RARS1: variants seen among roughly 807,000 people sequenced by gnomAD.
RARS1 encodes the protein arginine--tRNA ligase, cytoplasmic.
A neutral mutation model predicts 78.7 loss-of-function variants in RARS1; 75 were observed. The observed-to-expected ratio is 0.95, with a 90% CI of 0.79 to 1.15. The LOEUF (loss-of-function observed/expected upper bound fraction) is 1.15. Among genes scored for constraint, RARS1 ranks in the 50% most tolerant of loss-of-function variants. RARS1 has a pLI of 0.00. For synonymous variants in RARS1, 273 were observed against 268.2 expected, an observed-to-expected ratio of 1.02 and a Z score of -0.18; for missense variants, 787 against 787.5, an observed-to-expected ratio of 1.00 and a Z score of 0.01.
intron 7 of RARS1, among the ~76,000 whole-genome samples, chr5:168,498,235 G>T (rs1758240270): frequency 6.6e-6 from 1 of 151,284 alleles, no homozygotes; most frequent in Non-Finnish European, 1.5e-5. Context: ...TATCTTAAAA[G>T]ATAAAATTAT....
chr5:168,500,200 C>CAAAAAAAA (rs36015007), intron 7 of RARS1, among the ~76,000 whole-genome samples: 1 of 47,776 alleles, frequency 2.1e-5, no homozygotes, highest in African/African-American at 8.9e-5. Context: ...GACTCTGTCT[C>CAAAAAAAA]AAAAAAAAAA....
chr5:168,505,515 G>A (rs1338473469), intron 9 of RARS1, among the ~76,000 whole-genome samples: 2 of 152,044 alleles, frequency 1.3e-5, no homozygotes, highest in South Asian at 2.1e-4. Flanking sequence ...GAAGGTTATG[G>A]CTCCAGCTTG....
In RARS1 at chr5:168,497,251, G is replaced by GGACC; in HGVS notation, c.726_729dup (p.Gln244AspfsTer32). On this transcript the variant is annotated frameshift_variant, in exon 7 of 15. Transcript: ENST00000231572. LOFTEE classifies it high-confidence loss of function. ...AGGTTAAATCATGTAGGAGACTGGG[G>GGACC]GACCCAGTTTGGCATGCTCATCGCT... is the stretch of plus-strand genomic sequence containing the variant. 1 of 1,578,056 alleles carries GGACC rather than the reference G, an allele frequency of 6.3e-7. No individual in the cohort carries two copies. Among genetic ancestry groups the GGACC allele is most frequent in the Non-Finnish European group, 8.6e-7 (1 of 1,160,296 alleles).
chr5:168,515,558 C>T (rs777346876), intron 12 of RARS1, among the ~76,000 whole-genome samples: 29 of 152,222 alleles, frequency 1.9e-4, no homozygotes, highest in Non-Finnish European at 3.4e-4. Context: ...GGTTATTTCC[C>T]TCCAGAGACC....
chr5:168,488,321 T>C, intron 1 of RARS1: 1 of 358,672 alleles, frequency 2.8e-6, no homozygotes, highest in Non-Finnish European at 5.3e-6. Flanking sequence ...AGAGACAGCG[T>C]TTCGCTATGT....
chr5:168,493,806 A>G, intron 3 of RARS1, 88 bp from the exon 4 acceptor site: 1 of 985,218 alleles, frequency 1.0e-6, no homozygotes, highest in Admixed American at 2.1e-5. Context: ...TCTTAACGTA[A>G]AATGCATCTC....
At chr5:168,502,593 A>G (rs1371724066) in intron 9 of RARS1, among the ~76,000 whole-genome samples, 1 of 146,158 alleles carries the variant, frequency 6.8e-6, no homozygotes, top group East Asian at 2.0e-4. Context: ...TTTTTTGGAA[A>G]CAGAGTCTTA....
intron 7 of RARS1, 49 bp downstream of exon 7, chr5:168,497,397 A>T: frequency 7.3e-7 from 1 of 1,374,082 alleles, no homozygotes; most frequent in Non-Finnish European, 9.6e-7. Context: ...CATTAATCAT[A>T]ATTATCCATT....
At chr5:168,507,366 A>G (rs538228536) in intron 11 of RARS1, among the ~76,000 whole-genome samples, 1 of 152,172 alleles carries the variant, frequency 6.6e-6, no homozygotes, top group Non-Finnish European at 1.5e-5. Context: ...CAATATTTAT[A>G]AAATAAAAAG....
chr5:168,511,441 C>A (rs1352641509), intron 12 of RARS1, among the ~76,000 whole-genome samples: 1 of 151,882 alleles, frequency 6.6e-6, no homozygotes, highest in Non-Finnish European at 1.5e-5. Flanking sequence ...GAGAAGGTGC[C>A]ACACTCTTAA....
At position 168,506,122 on chromosome 5, in the gene RARS1, T is replaced by G; in HGVS notation, c.1159T>G (p.Ser387Ala). Reference sequence around the variant, plus strand: ...AGATGGAGGTTATACCTATGATACATCTGACCTGGCTGCTATTAAACAAAG... The same window carrying G: ...AGATGGAGGTTATACCTATGATACAGCTGACCTGGCTGCTATTAAACAAAG... ...KSDGGYTYDT[S>A]DLAAIKQRLF... The change falls in exon 10 of 15, where the codon TCT (serine) becomes GCT (alanine). Residue 387 changes from serine (S) to alanine (A), a missense_variant. By Grantham distance (99) the Ser-to-Ala change is moderately conservative. Coordinates refer to ENST00000231572, the MANE Select transcript of RARS1 (RefSeq NM_002887.4). 1 of 1,603,322 alleles carries G rather than the reference T, an allele frequency of 6.2e-7. No individual in the cohort carries two copies. Among genetic ancestry groups the G allele is most frequent in the South Asian group, 1.1e-5 (1 of 89,242 alleles).
intron 1 of RARS1, among the ~76,000 whole-genome samples, chr5:168,487,443 G>C (rs1582424415): frequency 6.6e-6 from 1 of 152,104 alleles, no homozygotes; most frequent in East Asian, 1.9e-4. Flanking sequence ...TAGGAAGATA[G>C]TTCACAGTAC....
intron 12 of RARS1, among the ~76,000 whole-genome samples, chr5:168,511,190 G>GA (rs1188563446): frequency 1.1e-4 from 16 of 144,214 alleles, no homozygotes; most frequent in Admixed American, 5.1e-4. Flanking sequence ...AAGTCAACAA[G>GA]AAAAATTTTT....
At position 168,496,761 on chromosome 5, in the gene RARS1, G is replaced by T. The variant is rs529972842; in HGVS notation, c.702-467G>T. ...AGCCTCCCATAGTGCTGGGATTACA[G>T]GCGTGAGCCATTGCACCCGGCCTCA... On this transcript the variant is annotated intron_variant, in intron 6 of 14. Transcript: ENST00000231572. Among the ~76,000 whole-genome samples, 79 of 152,262 alleles carry T rather than the reference G, an allele frequency of 5.2e-4. 1 individual carries two copies. Among genetic ancestry groups the T allele is most frequent in the African/African-American group, 1.7e-3 (70 of 41,558 alleles).
intron 11 of RARS1, among the ~76,000 whole-genome samples, chr5:168,507,626 G>A (rs913602701): frequency 1.6e-4 from 24 of 152,228 alleles, no homozygotes; most frequent in Admixed American, 1.5e-3. Context: ...GTAAAAGGCA[G>A]ATGAGATGTG....
At chr5:168,489,354 A>G (rs1582425722) in intron 2 of RARS1, among the ~76,000 whole-genome samples, 1 of 152,326 alleles carries the variant, frequency 6.6e-6, no homozygotes, top group Middle Eastern at 3.4e-3. Flanking sequence ...GTTTATGCCC[A>G]TGCCTTTTTT....
chr5:168,502,267 C>T (rs1758342507), intron 9 of RARS1, among the ~76,000 whole-genome samples, 162 bp downstream of exon 9: 1 of 151,236 alleles, frequency 6.6e-6, no homozygotes, highest in Non-Finnish European at 1.5e-5. Flanking sequence ...CACTGCTTCC[C>T]TCATATAATT....
At chr5:168,501,896 T>A (rs2152904749) in intron 8 of RARS1, 105 bp from the exon 9 acceptor site, 1 of 1,426,936 alleles carries the variant, frequency 7.0e-7, no homozygotes, top group Non-Finnish European at 9.2e-7. Context: ...TTAATTTCCT[T>A]TTAATATTTG....
Position 168,498,263 on chromosome 5 carries a change from A to C in RARS1, c.822+915A>C, listed in dbSNP as rs114270274. Reference sequence around the variant, plus strand: ...AAAATTATATTAAAAAAAAGTAAAAAAAAATGAATTATACCACATTGAATT... The same window carrying C: ...AAAATTATATTAAAAAAAAGTAAAACAAAATGAATTATACCACATTGAATT... On this transcript the variant is annotated intron_variant, in intron 7 of 14. Transcript: ENST00000231572. Among the ~76,000 whole-genome samples the C allele has an allele frequency of 3.9e-3, 601 of 152,226 alleles. 3 individuals carry two copies. The highest frequency in any genetic ancestry group is 0.014 in the African/African-American group (572 of 41,542).
Sources: gnomAD v4.1 joint callset for allele counts (sites outside exome capture counted in the v4.1 genomes callset) on GRCh38, gnomAD v4.1.1 for gene constraint, MANE v1.5 for transcripts, NCBI Gene and HGNC (gene_info 2026-07-23, HGNC 2026-07-21) for gene names.